Variants in COL18A1 observed in about 807,000 individuals in gnomAD.
COL18A1 encodes collagen alpha-1(XVIII) chain.
COL18A1 carries 133 observed loss-of-function variants against 168.0 expected under a neutral mutation model. The ratio of observed to expected loss-of-function variants is 0.79; its 90% CI spans 0.69 to 0.91. COL18A1 has a LOEUF of 0.91. COL18A1 is among the 40% of genes least tolerant of loss of function. COL18A1 has a pLI of 0.00. For synonymous variants in COL18A1, 949 were observed against 809.0 expected (o/e 1.17, Z -2.94); for missense variants, 2,126 against 1,925.4 (o/e 1.10, Z -1.95).
intron 38 of COL18A1, among the ~76,000 whole-genome samples, chr21:45,509,009 A>T (rs2037413073): frequency 6.6e-6 from 1 of 151,958 alleles, no homozygotes; most frequent in Non-Finnish European, 1.5e-5. Context: ...GCCCTGGGAG[A>T]TTAGAAGGTC....
intron 21 of COL18A1, 27 bp downstream of exon 21, chr21:45,490,898 GGGAT>G (rs1371098549): frequency 6.5e-7 from 1 of 1,546,890 alleles, no homozygotes; most frequent in African/African-American, 1.4e-5. Flanking sequence ...CGGGTGGATG[GGGAT>G]GGGGGGCGCT....
At chr21:45,467,102 G>T (rs553493437) in intron 2 of COL18A1, among the ~76,000 whole-genome samples, 1 of 152,380 alleles carries the variant, frequency 6.6e-6, no homozygotes, top group Admixed American at 6.5e-5. Context: ...CCCTGGCCCA[G>T]ACTGTGGCTG....
chr21:45,415,982 G>A (rs564643314), intron 2 of COL18A1, among the ~76,000 whole-genome samples: 26 of 152,254 alleles, frequency 1.7e-4, no homozygotes, highest in African/African-American at 6.3e-4. Context: ...GGAATGCCTC[G>A]CCGGGCCTTT....
intron 5 of COL18A1, among the ~76,000 whole-genome samples, chr21:45,476,070 T>G (rs1212292303): frequency 6.6e-6 from 1 of 152,094 alleles, no homozygotes; most frequent in African/African-American, 2.4e-5. Flanking sequence ...CTCTGCAGAT[T>G]CACATCAGCT....
At chr21:45,478,029 G>T in intron 8 of COL18A1, 64 bp downstream of exon 8, 1 of 919,814 alleles carries the variant, frequency 1.1e-6, no homozygotes, top group Admixed American at 2.1e-5. Context: ...GTAGGAGGGG[G>T]AGAGGCTGCG....
At position 45,513,460 on chromosome 21, in the gene COL18A1, C is replaced by T. The variant is rs992675252; in HGVS notation, c.*1062C>T. ...GGGGAACCCCGGGGTGCCCACAGGCCGCCCTGCGGGTGAACAAAGCAGCCA... is the reference window on the plus strand; with the variant it reads ...GGGGAACCCCGGGGTGCCCACAGGCTGCCCTGCGGGTGAACAAAGCAGCCA... On this transcript the variant is annotated 3_prime_UTR_variant, in exon 42 of 42. Coordinates refer to ENST00000651438, the MANE Select transcript of COL18A1 (RefSeq NM_001379500.1). 11 of 152,360 alleles carry T rather than the reference C, an allele frequency of 7.2e-5. No individual in the cohort carries two copies. The highest frequency in any genetic ancestry group is 1.9e-4 in the East Asian group (1 of 5,178). 9.4% of individuals were successfully genotyped at this position (152,360 alleles called of 1,614,324 possible). A position where few individuals can be genotyped will look rare whatever the true frequency, so the allele number is the denominator to read the frequency against.
intron 2 of COL18A1, among the ~76,000 whole-genome samples, chr21:45,447,406 C>T (rs1334209942): frequency 6.6e-6 from 1 of 151,918 alleles, no homozygotes; most frequent in African/African-American, 2.4e-5. Flanking sequence ...ATTTATTTTG[C>T]AATGAACAAT....
chr21:45,482,145 C>G, intron 14 of COL18A1, 120 bp downstream of exon 14: 2 of 777,648 alleles, frequency 2.6e-6, no homozygotes, highest in Non-Finnish European at 4.4e-6. Flanking sequence ...CCCATCACAG[C>G]CCCACAGCCT....
At chr21:45,467,258 C>A in intron 2 of COL18A1, 1 of 985,414 alleles carries the variant, frequency 1.0e-6, no homozygotes, top group Non-Finnish European at 1.2e-6. Flanking sequence ...CTGGCTTGGG[C>A]TCCCTGGGCG....
At position 45,509,570 on chromosome 21, in the gene COL18A1, C is replaced by A; in HGVS notation, c.3464C>A (p.Pro1155His). The change falls in exon 39 of 42, where the codon CCC becomes CAC. Residue 1155 changes from proline (P) to histidine (H), a missense_variant. Physicochemically the swap from Pro to His is moderately conservative, Grantham distance 77. Coordinates refer to ENST00000651438, the MANE Select transcript of COL18A1 (RefSeq NM_001379500.1). ...CGGCCGGCGCGACCCACAAGCCCACCCGCCCACAGCCACCGCGACTTCCAG... is the reference window on the plus strand; with the variant it reads ...CGGCCGGCGCGACCCACAAGCCCACACGCCCACAGCCACCGCGACTTCCAG... ...HLRPARPTSP[P>H]AHSHRDFQPV... The A allele has an allele frequency of 6.5e-7, 1 of 1,529,216 alleles. No homozygotes were observed. The highest frequency in any genetic ancestry group is 8.8e-7 in the Non-Finnish European group (1 of 1,139,752). The allele number at this position is 1,529,216 out of a possible 1,614,324, so 94.7% of individuals were successfully genotyped here.
chr21:45,505,461 TGC>T, intron 36 of COL18A1, 30 bp downstream of exon 36: 1 of 1,179,086 alleles, frequency 8.5e-7, no homozygotes, highest in Non-Finnish European at 1.2e-6. Flanking sequence ...GCTGGGCACC[TGC>T]GTCCCGTGCC....
intron 2 of COL18A1, among the ~76,000 whole-genome samples, chr21:45,453,357 T>C (rs944446112): frequency 1.3e-5 from 2 of 152,226 alleles, no homozygotes; most frequent in African/African-American, 4.8e-5. Context: ...GTGCATGTGT[T>C]CATGCATGAG....
rs781138226 is a variant in COL18A1 at position 45,512,387 on chromosome 21, GCCT to G, written c.4012_4014del (p.Ser1338del). On this transcript the variant is annotated inframe_deletion, in exon 42 of 42. Coordinates refer to ENST00000651438, the MANE Select transcript of COL18A1 (RefSeq NM_001379500.1). ...CTGCATTGAGAACAGCTTCATGACT[GCCT>G]CCAAGTAGCCACCGCCTGGATGCGG... The G allele has an allele frequency of 4.3e-6, 7 of 1,612,504 alleles. No individual in the cohort carries two copies. Among genetic ancestry groups the G allele is most frequent in the Non-Finnish European group, 5.9e-6 (7 of 1,179,754 alleles).
chr21:45,505,445 C>CA lies in COL18A1; in HGVS notation c.3087+15dup. On this transcript the variant is annotated intron_variant, in intron 36 of 41. Coordinates refer to ENST00000651438, the MANE Select transcript of COL18A1 (RefSeq NM_001379500.1). Reference sequence around the variant, plus strand: ...GCCTCCTCAGGGGTAAGTGTCTGGGCAGCCGGCTGGGCACCTGCGTCCCGT... The same window carrying CA: ...GCCTCCTCAGGGGTAAGTGTCTGGGCAAGCCGGCTGGGCACCTGCGTCCCGT... 1 of 1,469,378 alleles carries CA rather than the reference C, an allele frequency of 6.8e-7. No individual in the cohort carries two copies. The highest frequency in any genetic ancestry group is 9.4e-7 in the Non-Finnish European group (1 of 1,066,548). The allele number at this position is 1,469,378 out of a possible 1,614,324, so 91.0% of individuals were successfully genotyped here.
intron 28 of COL18A1, 137 bp from the exon 29 acceptor site, chr21:45,495,221 A>C: frequency 1.3e-6 from 1 of 753,124 alleles, no homozygotes; most frequent in South Asian, 1.5e-5. Flanking sequence ...GGGCCGGGGT[A>C]GCCTGAGAGC....
chr21:45,406,720 A>G (rs2033122714), intron 2 of COL18A1, among the ~76,000 whole-genome samples: 1 of 152,262 alleles, frequency 6.6e-6, no homozygotes, highest in African/African-American at 2.4e-5. Context: ...TCGCACAGGG[A>G]CAAAGGAAAG....
At chr21:45,450,749 C>T (rs568844685) in intron 2 of COL18A1, among the ~76,000 whole-genome samples, 2 of 152,310 alleles carry the variant, frequency 1.3e-5, no homozygotes, top group East Asian at 3.9e-4. Context: ...CTCCCTCGTC[C>T]TCTGAAACTG....
intron 32 of COL18A1, among the ~76,000 whole-genome samples, chr21:45,499,780 G>T (rs2036677733): frequency 6.6e-6 from 1 of 152,214 alleles, no homozygotes; most frequent in African/African-American, 2.4e-5. Context: ...CAGGAGGGCA[G>T]GCAGGACGGC....
chr21:45,447,214 A>G (rs1006044926), intron 2 of COL18A1, among the ~76,000 whole-genome samples: 1 of 150,716 alleles, frequency 6.6e-6, no homozygotes, highest in Non-Finnish European at 1.5e-5. Context: ...TATATATCAT[A>G]TATCATATAT....
Sources: allele counts gnomAD v4.1 joint callset (sites outside exome capture counted in the v4.1 genomes callset), GRCh38; gene constraint gnomAD v4.1.1; transcripts MANE v1.5; gene names NCBI Gene and HGNC (gene_info 2026-07-23, HGNC 2026-07-21).